Variants in VWA2 observed in about 807,000 individuals in gnomAD.
VWA2 encodes the protein von Willebrand factor A domain containing 2.
A neutral mutation model predicts 70.4 loss-of-function variants in VWA2; 73 were observed. The observed-to-expected ratio is 1.04, with a 90% CI of 0.86 to 1.26. The LOEUF (loss-of-function observed/expected upper bound fraction) is 1.26, where lower values mean the gene tolerates loss of function less well. Ranked by LOEUF, VWA2 falls within the 50% of genes most tolerant of loss-of-function variation. VWA2 has a pLI of 0.00. For synonymous variants in VWA2, 407 were observed against 423.3 expected, an observed-to-expected ratio of 0.96 and a Z score of 0.47; for missense variants, 1,011 against 998.5, an observed-to-expected ratio of 1.01 and a Z score of -0.17.
At chr10:114,251,113 T>G (rs866960318) in intron 2 of VWA2, among the ~76,000 whole-genome samples, 1 of 152,222 alleles carries the variant, frequency 6.6e-6, no homozygotes, top group South Asian at 2.1e-4. Flanking sequence ...ATCTGTAAAG[T>G]GAAAGAATTT....
intron 6 of VWA2, 69 bp downstream of exon 6, chr10:114,273,003 A>T (rs545765739): frequency 7.2e-7 from 1 of 1,393,328 alleles, no homozygotes; most frequent in African/African-American, 1.4e-5. Flanking sequence ...TGGCCATGGG[A>T]GGGAAGGGAG....
chr10:114,269,424 T>C (rs1446992402), intron 5 of VWA2, among the ~76,000 whole-genome samples: 1 of 152,012 alleles, frequency 6.6e-6, no homozygotes, highest in African/African-American at 2.4e-5. Context: ...CTACTAAAAA[T>C]ACAAAAATTA....
At position 114,286,174 on chromosome 10, in the gene VWA2, T is replaced by C. The variant is rs552684314; in HGVS notation, c.1233T>C (p.Asp411=). 50 of 1,614,080 alleles carry C rather than the reference T, an allele frequency of 3.1e-5. No homozygotes were observed. In the South Asian group the frequency reaches 3.6e-4, roughly 12 times the overall value. ...QDVPDLVWSL[D]GIPFRGGPTL... is the part of the protein sequence containing the mutation. Reference sequence around the variant, plus strand: ...TGCCTGACCTGGTCTGGAGCCTCGATGGCATTCCCTTCCGTGGTGGCCCCA... The same window carrying C: ...TGCCTGACCTGGTCTGGAGCCTCGACGGCATTCCCTTCCGTGGTGGCCCCA... Residue 411 remains aspartate, a synonymous_variant, in exon 11 of 14, where the codon GAT becomes GAC. Transcript: ENST00000392982.
rs776486049 is a variant in VWA2 at position 114,255,039 on chromosome 10, C to T, written c.252C>T (p.Ser84=). Residue 84 remains serine, a synonymous_variant, in exon 4 of 14, where the codon AGC becomes AGT. Transcript: ENST00000392982. The stretch of plus-strand genomic sequence containing the variant: ...CAGTCTGTGACGGTCTGGACATCAG[C>T]CCCGAGAGGGTGAGTGCAAGTCTTG... ...AITVCDGLDI[S]PERVRVGAFQ... The T allele has an allele frequency of 2.4e-5, 38 of 1,611,968 alleles. No individual in the cohort carries two copies. Among genetic ancestry groups the T allele is most frequent in the Non-Finnish European group, 2.5e-5 (30 of 1,179,874 alleles).
At chr10:114,263,603 C>T (rs985194324) in intron 5 of VWA2, among the ~76,000 whole-genome samples, 3 of 152,072 alleles carry the variant, frequency 2.0e-5, no homozygotes, top group African/African-American at 7.2e-5. Flanking sequence ...TCCCAGAGTG[C>T]TGGGATTACA....
chr10:114,289,536 C>CTCAGCCTGAGCCT, intron 12 of VWA2, 47 bp downstream of exon 12: 2 of 1,601,164 alleles, frequency 1.2e-6, no homozygotes, highest in Non-Finnish European at 1.7e-6. Context: ...ATGGCAGGCC[C>CTCAGCCTGAGCCT]TCAGCCTGAG....
intron 2 of VWA2, among the ~76,000 whole-genome samples, chr10:114,252,086 G>A (rs913167355): frequency 9.9e-5 from 15 of 152,076 alleles, no homozygotes; most frequent in African/African-American, 2.2e-4. Context: ...GATTACAGGC[G>A]TGAGCCACCC....
intron 2 of VWA2, among the ~76,000 whole-genome samples, chr10:114,252,939 C>T (rs561385006): frequency 1.6e-3 from 241 of 151,784 alleles, no homozygotes; most frequent in Non-Finnish European, 2.7e-3. Context: ...GTGACCTGGC[C>T]GCTCCTGGGC....
chr10:114,269,043 GTCA>G (rs2037644533), intron 5 of VWA2, among the ~76,000 whole-genome samples: 1 of 152,122 alleles, frequency 6.6e-6, no homozygotes, highest in Non-Finnish European at 1.5e-5. Context: ...CTTCTCAGAG[GTCA>G]AGCCATGGGG....
In VWA2 at chr10:114,290,323, T is replaced by G. The variant is rs774263493; in HGVS notation, c.2206T>G (p.Cys736Gly). ...SCVLQNGSYR[C>G]KCRDGWEGPH... is the part of the protein sequence containing the mutation. The stretch of plus-strand genomic sequence containing the variant: ...CGTCCTGCAGAATGGGAGCTACCGC[T>G]GCAAGTGTCGGGATGGCTGGGAGGG... Residue 736 changes from cysteine (C) to glycine (G), a missense_variant, in exon 13 of 14, where the codon TGC (cysteine) becomes GGC (glycine). Cys to Gly is a radical substitution (Grantham distance 159). Coordinates refer to ENST00000392982, the MANE Select transcript of VWA2 (RefSeq NM_001272046.2). 7 of 1,550,596 alleles carry G rather than the reference T, an allele frequency of 4.5e-6. No individual in the cohort carries two copies. The South Asian group carries it at 5.9e-5, about 13-fold the overall frequency.
At position 114,289,295 on chromosome 10, in the gene VWA2, G is replaced by T. The variant is rs149792922; in HGVS notation, c.1928G>T (p.Arg643Ile). ...PKAVVVLTGG[R>I]GAEDAAVPAQ... Reference sequence around the variant, plus strand: ...GCTGTGGTGGTGCTCACAGGCGGGAGAGGCGCAGAGGATGCAGCCGTTCCT... The same window carrying T: ...GCTGTGGTGGTGCTCACAGGCGGGATAGGCGCAGAGGATGCAGCCGTTCCT... The change falls in exon 12 of 14, where the codon AGA (arginine) becomes ATA (isoleucine). Residue 643 changes from arginine (R) to isoleucine (I), a missense_variant. Coordinates refer to ENST00000392982, the MANE Select transcript of VWA2 (RefSeq NM_001272046.2). The T allele has an allele frequency of 9.8e-5, 158 of 1,613,904 alleles. No individual in the cohort carries two copies. Among genetic ancestry groups the T allele is most frequent in the Non-Finnish European group, 1.2e-4 (139 of 1,180,016 alleles).
chr10:114,253,652 G>A lies in VWA2; in HGVS notation c.54G>A (p.Val18=). 1 of 1,611,446 alleles carries A rather than the reference G, an allele frequency of 6.2e-7. No homozygotes were observed. Among genetic ancestry groups the A allele is most frequent in the Non-Finnish European group, 8.5e-7 (1 of 1,179,438 alleles). ...TGCTTCTGGTGTTTTCTCTCCTAGT[G>A]CCCCCATCTCTCCCTCTCCAGGAAG... ...EAVCVFLFSR[V]PPSLPLQEVH... is the part of the protein sequence containing the mutation. The change falls in exon 3 of 14, where the codon GTG becomes GTA. Residue 18 remains valine (V), a splice_region_variant and synonymous_variant. Transcript: ENST00000392982.
chr10:114,254,661 G>A (rs1008467708), intron 3 of VWA2, among the ~76,000 whole-genome samples: 3 of 152,148 alleles, frequency 2.0e-5, no homozygotes, highest in African/African-American at 4.8e-5. Flanking sequence ...CTCATAGAAC[G>A]TAATTGATAT....
intron 13 of VWA2, among the ~76,000 whole-genome samples, chr10:114,290,691 A>T (rs2039498355): frequency 6.6e-6 from 1 of 151,482 alleles, no homozygotes; most frequent in East Asian, 1.9e-4. Flanking sequence ...GACAACTAGG[A>T]GGGAGGCCAC....
chr10:114,239,767 C>T (rs773716885), intron 1 of VWA2, among the ~76,000 whole-genome samples, 198 bp downstream of exon 1: 1 of 152,216 alleles, frequency 6.6e-6, no homozygotes, highest in Non-Finnish European at 1.5e-5. Flanking sequence ...CTTCCTGGCA[C>T]GGCGGCGTCG....
intron 1 of VWA2, chr10:114,246,210 C>G: frequency 9.0e-7 from 1 of 1,109,422 alleles, no homozygotes; most frequent in African/African-American, 1.5e-5. Context: ...AAAAGAATAT[C>G]ACGGGTTGGG....
rs1326467713 is a variant in VWA2, at chr10:114,253,681, A to T, written c.83A>T (p.His28Leu). Residue 28 changes from histidine (H) to leucine (L), a missense_variant, in exon 3 of 14, where the codon CAT becomes CTT. Coordinates refer to ENST00000392982, the MANE Select transcript of VWA2 (RefSeq NM_001272046.2). Reference sequence around the variant, plus strand: ...CCATCTCTCCCTCTCCAGGAAGTCCATGTAAGCAAAGAAACCATCGGGAAG... The same window carrying T: ...CCATCTCTCCCTCTCCAGGAAGTCCTTGTAAGCAAAGAAACCATCGGGAAG... The part of the protein sequence containing the change: ...VPPSLPLQEV[H>L]VSKETIGKIS... 7 of 1,612,350 alleles carry T rather than the reference A, an allele frequency of 4.3e-6. No homozygotes were observed. The Admixed American group carries it at 5.0e-5, about 12-fold the overall frequency.
chr10:114,285,072 C>G, intron 10 of VWA2, 102 bp downstream of exon 10: 1 of 921,202 alleles, frequency 1.1e-6, no homozygotes, highest in Non-Finnish European at 1.6e-6. Flanking sequence ...TAGAAACTGG[C>G]CCTTGAACCA....
At chr10:114,277,474 AC>A (rs956673254) in intron 6 of VWA2, among the ~76,000 whole-genome samples, 9 of 151,120 alleles carry the variant, frequency 6.0e-5, no homozygotes, top group Admixed American at 4.6e-4. Flanking sequence ...GAGCCACCAC[AC>A]CCCCCCTCCG....
Sources: gnomAD v4.1 joint callset for allele counts (sites outside exome capture counted in the v4.1 genomes callset) on GRCh38, gnomAD v4.1.1 for gene constraint, MANE v1.5 for transcripts, NCBI Gene and HGNC (gene_info 2026-07-23, HGNC 2026-07-21) for gene names.